Variants in CCDC50 observed in about 807,000 individuals in gnomAD.
CCDC50 encodes coiled-coil domain containing 50, also known as coiled-coil domain-containing protein 50.
A neutral mutation model predicts 70.2 loss-of-function variants in CCDC50; 54 were observed. The ratio of observed to expected loss-of-function variants is 0.77; its 90% CI spans 0.62 to 0.96. The LOEUF (loss-of-function observed/expected upper bound fraction) is 0.96. Ranked by LOEUF, CCDC50 falls within the 50% of genes least tolerant of loss-of-function variation. CCDC50 has a pLI of 0.00. For missense variants in CCDC50, 558 were observed against 578.7 expected (o/e 0.96, Z 0.37); for synonymous variants, 216 against 198.8 (o/e 1.09, Z -0.73).
intron 10 of CCDC50, 37 bp from the exon 11 acceptor site, chr3:191,389,459 A>G: frequency 6.6e-7 from 1 of 1,525,562 alleles, no homozygotes; most frequent in Admixed American, 1.7e-5. Flanking sequence ...AGTAAGCGTT[A>G]CTTAGAATGC....
chr3:191,338,592 G>A (rs1421174781), intron 1 of CCDC50, among the ~76,000 whole-genome samples: 1 of 152,180 alleles, frequency 6.6e-6, no homozygotes, highest in African/African-American at 2.4e-5. Flanking sequence ...GTTTGCTTCT[G>A]TTGTTTTCCC....
intron 5 of CCDC50, among the ~76,000 whole-genome samples, chr3:191,370,976 G>A (rs531542273): frequency 5.3e-5 from 8 of 152,184 alleles, no homozygotes; most frequent in African/African-American, 1.9e-4. Context: ...TTCTCAAGAA[G>A]TCTGGAAAGT....
intron 4 of CCDC50, 137 bp from the exon 5 acceptor site, chr3:191,369,782 A>C (rs1189004865): frequency 1.4e-6 from 1 of 721,628 alleles, no homozygotes; most frequent in Non-Finnish European, 2.6e-6. Context: ...ATTTGAAGAC[A>C]TGAAATTAAT....
chr3:191,364,313 C>T (rs1283155880), intron 4 of CCDC50, among the ~76,000 whole-genome samples: 4 of 151,850 alleles, frequency 2.6e-5, no homozygotes, highest in Non-Finnish European at 5.9e-5. Context: ...GTGATCCGCC[C>T]ACCTCAGCCT....
chr3:191,372,215 T>C (rs1307967464), intron 5 of CCDC50, among the ~76,000 whole-genome samples: 1 of 152,168 alleles, frequency 6.6e-6, no homozygotes, highest in Non-Finnish European at 1.5e-5. Flanking sequence ...TTTATTTTAA[T>C]TACTCCGATA....
intron 1 of CCDC50, among the ~76,000 whole-genome samples, chr3:191,354,870 C>G (rs1020984780): frequency 6.6e-6 from 1 of 152,150 alleles, no homozygotes; most frequent in Non-Finnish European, 1.5e-5. Flanking sequence ...ACATATTCTA[C>G]TGTATACTTC....
chr3:191,368,091 C>T (rs1437036334), intron 4 of CCDC50, among the ~76,000 whole-genome samples: 1 of 151,860 alleles, frequency 6.6e-6, no homozygotes, highest in African/African-American at 2.4e-5. Context: ...TTCTATTGTA[C>T]AGATAAAGAA....
Position 191,377,622 on chromosome 3 carries a change from A to T in CCDC50, c.976+2033A>T, listed in dbSNP as rs147458177. On this transcript the variant is annotated intron_variant, in intron 6 of 11. Coordinates refer to ENST00000392455, the MANE Select transcript of CCDC50 (RefSeq NM_178335.3). ...TCAGATATACTGTGGCATTCCCTAA[A>T]TGTCAGACTGGCTTATTACAAATAC... Among the ~76,000 whole-genome samples the T allele has an allele frequency of 1.1e-4, 16 of 152,258 alleles. No homozygotes were observed. In the East Asian group the frequency reaches 2.9e-3, roughly 28 times the overall value.
At chr3:191,379,963 G>A (rs1713252887) in intron 6 of CCDC50, among the ~76,000 whole-genome samples, 196 bp from the exon 7 acceptor site, 1 of 151,976 alleles carries the variant, frequency 6.6e-6, no homozygotes, top group Admixed American at 6.6e-5. Flanking sequence ...TTGTTTAAAT[G>A]TATGCATTAT....
At chr3:191,374,884 T>C (rs755471195) in intron 5 of CCDC50, among the ~76,000 whole-genome samples, 178 bp from the exon 6 acceptor site, 13 of 152,216 alleles carry the variant, frequency 8.5e-5, no homozygotes, top group Admixed American at 2.6e-4. Flanking sequence ...TCTTTAGGTA[T>C]GCATGAACTG....
At position 191,329,510 on chromosome 3, in the gene CCDC50, G is replaced by T. The variant is rs1197630442; in HGVS notation, c.-165G>T. 9 of 599,114 alleles carry T rather than the reference G, an allele frequency of 1.5e-5. No individual in the cohort carries two copies. The highest frequency in any genetic ancestry group is 8.7e-5 in the Admixed American group (2 of 23,110). The allele number at this position is 599,114 out of a possible 1,614,324, so 37.1% of individuals were successfully genotyped here. A position where few individuals can be genotyped will look rare whatever the true frequency, so the allele number is the denominator to read the frequency against. On this transcript the variant is annotated 5_prime_UTR_variant, in exon 1 of 12. Transcript: ENST00000392455. ...TCGGGGACCGTCTCCCGCTGCTTTGGTCACCAGCCCCTGCCCGCCCGACCC... is the reference window on the plus strand; with the variant it reads ...TCGGGGACCGTCTCCCGCTGCTTTGTTCACCAGCCCCTGCCCGCCCGACCC...
At chr3:191,362,004 T>A (rs996406539) in intron 4 of CCDC50, among the ~76,000 whole-genome samples, 1 of 152,210 alleles carries the variant, frequency 6.6e-6, no homozygotes, top group African/African-American at 2.4e-5. Flanking sequence ...TGATTCTGTA[T>A]ATATTTTTAA....
At position 191,392,966 on chromosome 3, in the gene CCDC50, GA is replaced by G. The variant is rs1713747872; in HGVS notation, c.*1207del. The G allele has an allele frequency of 6.6e-6, 1 of 152,254 alleles. No homozygotes were observed. Among genetic ancestry groups the G allele is most frequent in the Non-Finnish European group, 1.5e-5 (1 of 68,102 alleles). The allele number at this position is 152,254 out of a possible 1,614,324, so 9.4% of individuals were successfully genotyped here. A position where few individuals can be genotyped will look rare whatever the true frequency, so the allele number is the denominator to read the frequency against. ...TTGGCCAGGCTGGTCTCGAACCCCTGACCTCAAGTGATCCACCTGCCTTGGC... is the reference window on the plus strand; with the variant it reads ...TTGGCCAGGCTGGTCTCGAACCCCTGCCTCAAGTGATCCACCTGCCTTGGC... On this transcript the variant is annotated 3_prime_UTR_variant, in exon 12 of 12. Coordinates refer to ENST00000392455, the MANE Select transcript of CCDC50 (RefSeq NM_178335.3).
chr3:191,366,144 T>C (rs1712680778), intron 4 of CCDC50, among the ~76,000 whole-genome samples: 1 of 152,150 alleles, frequency 6.6e-6, no homozygotes, highest in Non-Finnish European at 1.5e-5. Flanking sequence ...TGTTTTCATT[T>C]CTTACATTAT....
At chr3:191,383,607 A>C (rs1019394493) in intron 10 of CCDC50, among the ~76,000 whole-genome samples, 1 of 152,198 alleles carries the variant, frequency 6.6e-6, no homozygotes, top group African/African-American at 2.4e-5. Context: ...TCATTGAATA[A>C]TTGACACTGT....
chr3:191,360,784 A>G lies in CCDC50; in HGVS notation c.240-285A>G, dbSNP rs76748166. Among the ~76,000 whole-genome samples, 470 of 152,300 alleles carry G rather than the reference A, an allele frequency of 3.1e-3. 6 individuals are homozygous for G. The highest frequency in any genetic ancestry group is 0.01 in the African/African-American group (424 of 41,556). On this transcript the variant is annotated intron_variant, in intron 3 of 11. Transcript: ENST00000392455. ...CCAGTGGGGTGAAGTGATAGGTGGT[A>G]TAGAAGAGGTGTGGAGTTTTCCATT...
rs1184458539 is a variant in CCDC50 at position 191,394,882 on chromosome 3, G to A, written c.*3122G>A. 6.6e-6 allele frequency: 1 copy of A among 152,076 alleles called. No individual in the cohort carries two copies. The highest frequency in any genetic ancestry group is 1.5e-5 in the Non-Finnish European group (1 of 67,970). 9.4% of individuals were successfully genotyped at this position (152,076 alleles called of 1,614,324 possible). On this transcript the variant is annotated 3_prime_UTR_variant, in exon 12 of 12. Coordinates refer to ENST00000392455, the MANE Select transcript of CCDC50 (RefSeq NM_178335.3). ...ACAGTTGCTTTACATGTATTTAAGGGAACATTGTGATTTTCAGAAAGTGGC... is the reference window on the plus strand; with the variant it reads ...ACAGTTGCTTTACATGTATTTAAGGAAACATTGTGATTTTCAGAAAGTGGC...
chr3:191,370,474 G>GT (rs1712871520), intron 5 of CCDC50, among the ~76,000 whole-genome samples: 1 of 136,996 alleles, frequency 7.3e-6, no homozygotes, highest in South Asian at 2.3e-4. Flanking sequence ...GGTTTTTTTT[G>GT]TTTGTTTTTT....
At chr3:191,365,006 G>T (rs568135939) in intron 4 of CCDC50, among the ~76,000 whole-genome samples, 3 of 152,094 alleles carry the variant, frequency 2.0e-5, no homozygotes, top group African/African-American at 7.2e-5. Context: ...AATAAAAATG[G>T]GTTAAGGTTA....
Sources: allele counts gnomAD v4.1 joint callset (sites outside exome capture counted in the v4.1 genomes callset), GRCh38; gene constraint gnomAD v4.1.1; transcripts MANE v1.5; gene names NCBI Gene and HGNC (gene_info 2026-07-23, HGNC 2026-07-21).